RSPO2: variants seen among roughly 807,000 people sequenced by gnomAD.
RSPO2 encodes the protein R-spondin 2.
RSPO2 carries 14 observed loss-of-function variants against 30.9 expected under a neutral mutation model. That is an observed-to-expected ratio of 0.45 (90% CI 0.30 to 0.71). The LOEUF (loss-of-function observed/expected upper bound fraction) is 0.71. Among genes scored for constraint, RSPO2 ranks in the 30% least tolerant of loss-of-function variants. The probability of loss-of-function intolerance (pLI) is 0.08; values close to 1 mark genes in which losing one functional copy is unlikely to be tolerated. For synonymous variants in RSPO2, 107 were observed against 96.4 expected (o/e 1.11, Z -0.64); for missense variants, 264 against 301.9 (o/e 0.87, Z 0.93).
At chr8:107,971,039 G>T (rs1033735439) in intron 3 of RSPO2, among the ~76,000 whole-genome samples, 1 of 152,192 alleles carries the variant, frequency 6.6e-6, no homozygotes, top group African/African-American at 2.4e-5. Flanking sequence ...TGCCTCGCAG[G>T]ATTTCCAGAT....
chr8:107,927,316 T>C (rs910160357), intron 5 of RSPO2, among the ~76,000 whole-genome samples: 6 of 152,208 alleles, frequency 3.9e-5, no homozygotes, highest in Non-Finnish European at 7.3e-5. Flanking sequence ...TGGGGTTTTC[T>C]AGATATACAA....
At chr8:108,058,892 AC>A (rs1242118556) in intron 2 of RSPO2, among the ~76,000 whole-genome samples, 2 of 151,608 alleles carry the variant, frequency 1.3e-5, no homozygotes, top group Non-Finnish European at 2.9e-5. Flanking sequence ...AACCATAAAA[AC>A]CCTAGAAGAA....
intron 2 of RSPO2, chr8:107,997,288 G>C (rs1386549205): frequency 6.4e-6 from 1 of 155,160 alleles, no homozygotes; most frequent in African/African-American, 2.4e-5. Context: ...AATTTATTTT[G>C]TCAGGATCTT....
intron 5 of RSPO2, among the ~76,000 whole-genome samples, chr8:107,940,198 T>C (rs1038348669): frequency 6.6e-6 from 1 of 152,090 alleles, no homozygotes; most frequent in Non-Finnish European, 1.5e-5. Flanking sequence ...AGTTCTTAAA[T>C]TTTCTCAGAG....
intron 2 of RSPO2, among the ~76,000 whole-genome samples, chr8:107,993,335 G>A (rs1814913394): frequency 6.6e-6 from 1 of 152,064 alleles, no homozygotes; most frequent in Admixed American, 6.6e-5. Context: ...GAATATCTAT[G>A]AACAGAATAG....
rs1420922605 is a variant in RSPO2 at position 107,899,564 on chromosome 8, T to C, written c.*1511A>G. ...ACGATGTATATGATATTTATCCTTATTGGTAAGATGCTTTTGAATCAAAAG... is the reference window on the plus strand; with the variant it reads ...ACGATGTATATGATATTTATCCTTACTGGTAAGATGCTTTTGAATCAAAAG... On this transcript the variant is annotated 3_prime_UTR_variant, in exon 6 of 6. Transcript: ENST00000276659. 2.0e-5 allele frequency: 3 copies of C among 152,652 alleles called. No individual in the cohort carries two copies. Among genetic ancestry groups the C allele is most frequent in the African/African-American group, 7.2e-5 (3 of 41,470 alleles). 9.5% of individuals were successfully genotyped at this position (152,652 alleles called of 1,614,324 possible).
chr8:107,926,857 T>A (rs1586550141), intron 5 of RSPO2, among the ~76,000 whole-genome samples: 1 of 152,208 alleles, frequency 6.6e-6, no homozygotes, highest in Non-Finnish European at 1.5e-5. Context: ...TCTTTTGGCT[T>A]AGGATTGACT....
intron 2 of RSPO2, among the ~76,000 whole-genome samples, chr8:108,004,938 T>A (rs1815403456): frequency 6.6e-6 from 1 of 152,206 alleles, no homozygotes; most frequent in Non-Finnish European, 1.5e-5. Flanking sequence ...GTTCTTTATT[T>A]TTTTCCTAGA....
chr8:107,971,589 T>C (rs529083080), intron 3 of RSPO2, among the ~76,000 whole-genome samples: 78 of 152,334 alleles, frequency 5.1e-4, no homozygotes, highest in African/African-American at 1.9e-3. Context: ...TAACCATTAC[T>C]GAAGTTGTTA....
chr8:108,058,052 C>T (rs1563583200), intron 2 of RSPO2, among the ~76,000 whole-genome samples: 2 of 152,070 alleles, frequency 1.3e-5, no homozygotes, highest in African/African-American at 2.4e-5. Flanking sequence ...CTGTCTTGTG[C>T]CAGTTTTCAA....
At chr8:108,023,940 C>T (rs1811126300) in intron 2 of RSPO2, among the ~76,000 whole-genome samples, 1 of 152,094 alleles carries the variant, frequency 6.6e-6, no homozygotes, top group African/African-American at 2.4e-5. Flanking sequence ...AGTTAGAAGC[C>T]ACTCAGATTA....
chr8:107,926,924 T>G (rs956684394), intron 5 of RSPO2, among the ~76,000 whole-genome samples: 1 of 152,160 alleles, frequency 6.6e-6, no homozygotes, highest in African/African-American at 2.4e-5. Context: ...TTTTTCCAAT[T>G]CTGTGAAGAA....
chr8:107,985,706 G>A (rs1814599962), intron 3 of RSPO2, among the ~76,000 whole-genome samples: 1 of 152,172 alleles, frequency 6.6e-6, no homozygotes, highest in African/African-American at 2.4e-5. Flanking sequence ...AAAGAATAAA[G>A]TTTTATGTAA....
chr8:107,908,668 G>A (rs924117529), intron 5 of RSPO2, among the ~76,000 whole-genome samples: 3 of 152,064 alleles, frequency 2.0e-5, no homozygotes. Flanking sequence ...TCTAACCATA[G>A]GTAGTCTCTT....
intron 3 of RSPO2, among the ~76,000 whole-genome samples, chr8:107,965,923 G>A (rs1412747637): frequency 6.6e-6 from 1 of 152,158 alleles, no homozygotes; most frequent in Admixed American, 6.5e-5. Context: ...GGCGGGTGAT[G>A]TGTGCTATAA....
intron 5 of RSPO2, among the ~76,000 whole-genome samples, chr8:107,933,161 T>G (rs1456120160): frequency 2.6e-5 from 4 of 151,940 alleles, no homozygotes; most frequent in Non-Finnish European, 4.4e-5. Context: ...CCTAATGGAG[T>G]CTTTCCTTAT....
chr8:108,059,367 G>C (rs1812371349), intron 2 of RSPO2, among the ~76,000 whole-genome samples: 1 of 151,702 alleles, frequency 6.6e-6, no homozygotes, highest in Admixed American at 6.6e-5. Flanking sequence ...TGCTGGAGAG[G>C]ATGTGGAGAA....
intron 2 of RSPO2, among the ~76,000 whole-genome samples, chr8:108,015,864 C>G (rs1275568970): frequency 2.0e-5 from 3 of 152,162 alleles, no homozygotes; most frequent in Admixed American, 1.3e-4. Flanking sequence ...CTCTCTGGCT[C>G]TGGTATTCTT....
intron 5 of RSPO2, among the ~76,000 whole-genome samples, chr8:107,920,583 A>T (rs1812129286): frequency 6.6e-6 from 1 of 152,176 alleles, no homozygotes; most frequent in South Asian, 2.1e-4. Flanking sequence ...TTATTCCATA[A>T]AACTGCATAA....
Sources: gnomAD v4.1 joint callset for allele counts (sites outside exome capture counted in the v4.1 genomes callset) on GRCh38, gnomAD v4.1.1 for gene constraint, MANE v1.5 for transcripts, NCBI Gene and HGNC (gene_info 2026-07-23, HGNC 2026-07-21) for gene names.